OTOGL: variants seen among roughly 807,000 people sequenced by gnomAD.
OTOGL encodes the protein otogelin-like protein.
Under a neutral mutation model 318.5 loss-of-function variants are expected in OTOGL, and 285 were observed. The observed-to-expected ratio is 0.89, with a 90% CI of 0.81 to 0.99. The LOEUF is 0.99. Among genes scored for constraint, OTOGL ranks in the 50% least tolerant of loss-of-function variants. OTOGL has a pLI of 0.00. For missense variants in OTOGL, 2,899 were observed against 2,845.6 expected, an observed-to-expected ratio of 1.02 and a Z score of -0.43; for synonymous variants, 987 against 936.5, an observed-to-expected ratio of 1.05 and a Z score of -0.99.
chr12:80,190,679 C>T (rs900415425), intron 1 of OTOGL, among the ~76,000 whole-genome samples: 1 of 150,614 alleles, frequency 6.6e-6, no homozygotes, highest in African/African-American at 2.5e-5. Context: ...CCCAGCTACT[C>T]GGAAGGCTGA....
chr12:80,166,497 G>A (rs535609058), intron 1 of OTOGL, among the ~76,000 whole-genome samples: 1 of 152,048 alleles, frequency 6.6e-6, no homozygotes, highest in African/African-American at 2.4e-5. Flanking sequence ...TGGAATTCAC[G>A]TGAATGAATA....
chr12:80,288,558 T>G (rs1439810959), intron 26 of OTOGL, among the ~76,000 whole-genome samples: 1 of 152,134 alleles, frequency 6.6e-6, no homozygotes. Context: ...CTTGGTCTTT[T>G]CACATAGTCC....
chr12:80,350,887 G>A (rs956329706), intron 44 of OTOGL, among the ~76,000 whole-genome samples: 7 of 152,054 alleles, frequency 4.6e-5, no homozygotes, highest in Non-Finnish European at 1.0e-4. Context: ...TTACTTTGCT[G>A]TGCAGAAACT....
intron 1 of OTOGL, among the ~76,000 whole-genome samples, chr12:80,197,249 T>C (rs1876139477): frequency 6.6e-6 from 1 of 152,166 alleles, no homozygotes; most frequent in African/African-American, 2.4e-5. Flanking sequence ...CTCCCTAAAA[T>C]GTATAAAACC....
intron 1 of OTOGL, among the ~76,000 whole-genome samples, chr12:80,147,312 A>C (rs1354434426): frequency 7.0e-6 from 1 of 143,854 alleles, no homozygotes; most frequent in Non-Finnish European, 1.5e-5. Context: ...TTCGTTATGT[A>C]CCCAGTAGTC....
At chr12:80,108,936 G>GTGTGTGTATATATATATATATATA (rs1555268621) in intron 1 of OTOGL, among the ~76,000 whole-genome samples, 4 of 128,244 alleles carry the variant, frequency 3.1e-5, no homozygotes, top group African/African-American at 1.3e-4. Context: ...ATATGTGTGT[G>GTGTGTGTATATATATATATATATA]TATATATATA....
intron 1 of OTOGL, among the ~76,000 whole-genome samples, chr12:80,114,403 T>C (rs1870031321): frequency 6.6e-6 from 1 of 152,222 alleles, no homozygotes; most frequent in Non-Finnish European, 1.5e-5. Flanking sequence ...AAATTCTGGG[T>C]TGAAAATTCT....
At chr12:80,283,913 G>T (rs1424078815) in intron 26 of OTOGL, among the ~76,000 whole-genome samples, 1 of 151,984 alleles carries the variant, frequency 6.6e-6, no homozygotes, top group African/African-American at 2.4e-5. Context: ...AGAACGTGCA[G>T]GTTTGTTACA....
chr12:80,357,486 T>G (rs1191251231), intron 49 of OTOGL, among the ~76,000 whole-genome samples: 3 of 152,106 alleles, frequency 2.0e-5, no homozygotes, highest in Admixed American at 1.3e-4. Context: ...CAAAACAATT[T>G]CTTTGCATCA....
intron 26 of OTOGL, among the ~76,000 whole-genome samples, chr12:80,282,535 T>A (rs1884310749): frequency 6.8e-6 from 1 of 147,662 alleles, no homozygotes; most frequent in Non-Finnish European, 1.5e-5. Flanking sequence ...TATAGGGTAT[T>A]TTTTTTTTTG....
Position 80,306,704 on chromosome 12 carries a change from C to A in OTOGL, c.3333+1009C>A, listed in dbSNP as rs562833890. ...CTGTGGCTATCTTACATCTTGTTAC[C>A]TTTAGAAGTTTTGAAAAAAATCGTT... On this transcript the variant is annotated intron_variant, in intron 29 of 58. Coordinates refer to ENST00000547103, the MANE Select transcript of OTOGL (RefSeq NM_001378609.3). 2.2e-4 allele frequency among the ~76,000 whole-genome samples: 34 copies of A among 151,522 alleles called. 1 individual carries two copies. Among genetic ancestry groups the A allele is most frequent in the South Asian group, 1.2e-3 (6 of 4,814 alleles).
chr12:80,321,791 T>G (rs1343347203), intron 34 of OTOGL, among the ~76,000 whole-genome samples: 2 of 152,146 alleles, frequency 1.3e-5, no homozygotes, highest in South Asian at 4.1e-4. Flanking sequence ...CATTCTTTAG[T>G]GTGGTGACAT....
Position 80,305,713 on chromosome 12 carries a change from AT to A in OTOGL, c.3333+22del. 6.8e-7 allele frequency: 1 copy of A among 1,480,338 alleles called. No individual in the cohort carries two copies. The highest frequency in any genetic ancestry group is 1.4e-5 in the South Asian group (1 of 69,374). 91.7% of individuals were successfully genotyped at this position (1,480,338 alleles called of 1,614,324 possible). A position where few individuals can be genotyped will look rare whatever the true frequency, so the allele number is the denominator to read the frequency against. On this transcript the variant is annotated intron_variant, in intron 29 of 58. Coordinates refer to ENST00000547103, the MANE Select transcript of OTOGL (RefSeq NM_001378609.3). ...TAGGACAGGTAAGTTACATAAATGT[AT>A]TTTAGAAGTCAACAAAAATTTTTAA...
chr12:80,198,016 T>C (rs1347898948), intron 1 of OTOGL, among the ~76,000 whole-genome samples: 3 of 152,248 alleles, frequency 2.0e-5, no homozygotes, highest in African/African-American at 7.2e-5. Flanking sequence ...CTGATTATTA[T>C]ATATTCCTTT....
chr12:80,145,174 G>A (rs1872258139), intron 1 of OTOGL, among the ~76,000 whole-genome samples: 1 of 150,860 alleles, frequency 6.6e-6, no homozygotes, highest in South Asian at 2.1e-4. Flanking sequence ...TTCTTCTAGG[G>A]TTTTTATGGT....
intron 1 of OTOGL, chr12:80,132,400 C>T (rs541182271): frequency 6.6e-6 from 1 of 152,232 alleles, no homozygotes; most frequent in South Asian, 2.1e-4. Context: ...ATATAGGCTT[C>T]ATATCTATTT....
chr12:80,220,081 A>C (rs537124518), intron 6 of OTOGL, among the ~76,000 whole-genome samples, 169 bp downstream of exon 6: 108 of 152,278 alleles, frequency 7.1e-4, no homozygotes, highest in Middle Eastern at 3.4e-3. Context: ...ACAAAAGTAG[A>C]TAGGGCCACT....
chr12:80,122,216 C>G lies in OTOGL; in HGVS notation c.-20+22611C>G, dbSNP rs115631093. Among the ~76,000 whole-genome samples the G allele has an allele frequency of 7.0e-3, 1,064 of 152,236 alleles. 16 individuals are homozygous for G. The highest frequency in any genetic ancestry group is 0.023 in the African/African-American group (949 of 41,546). On this transcript the variant is annotated intron_variant, in intron 1 of 58. Transcript: ENST00000547103. ...TAATATACATATATACCTCTACCTT[C>G]TGAACTTAGTTCTAGGATAAAATTC... is the stretch of plus-strand genomic sequence containing the variant.
At chr12:80,196,109 G>C in intron 1 of OTOGL, among the ~76,000 whole-genome samples, 1 of 152,184 alleles carries the variant, frequency 6.6e-6, no homozygotes, top group Admixed American at 6.5e-5. Flanking sequence ...GGGTCTGGAG[G>C]TGGATTCTGG....
Sources: allele counts gnomAD v4.1 joint callset (sites outside exome capture counted in the v4.1 genomes callset), GRCh38; gene constraint gnomAD v4.1.1; transcripts MANE v1.5; gene names NCBI Gene and HGNC (gene_info 2026-07-23, HGNC 2026-07-21).